R3HDM2: variants seen among roughly 807,000 people sequenced by gnomAD.
R3HDM2 encodes R3H domain-containing protein 2.
A neutral mutation model predicts 124.5 loss-of-function variants in R3HDM2; 38 were observed. The ratio of observed to expected loss-of-function variants is 0.31; its 90% CI spans 0.24 to 0.40. The LOEUF (loss-of-function observed/expected upper bound fraction) is 0.40. Among genes scored for constraint, R3HDM2 ranks in the 10% least tolerant of loss-of-function variants. The probability of loss-of-function intolerance (pLI) is 1.00; values close to 1 mark genes in which losing one functional copy is unlikely to be tolerated. For missense variants in R3HDM2, 869 were observed against 1,236.9 expected, an observed-to-expected ratio of 0.70 and a Z score of 4.46; for synonymous variants, 391 against 448.0, an observed-to-expected ratio of 0.87 and a Z score of 1.61.
chr12:57,428,502 T>TGTGGTGGGGGGTGTGGTGGGGGGC (rs1566538645), intron 1 of R3HDM2, among the ~76,000 whole-genome samples: 1 of 33,750 alleles, frequency 3.0e-5, no homozygotes, highest in Non-Finnish European at 4.9e-5. Flanking sequence ...TGGTGGGGGG[T>TGTGGTGGGGGGTGTGGTGGGGGGC]GTGGTGGGGG....
Position 57,266,757 on chromosome 12 carries a change from G to A in R3HDM2, c.2105C>T (p.Pro702Leu), listed in dbSNP as rs1327242452. The A allele has an allele frequency of 1.9e-6, 3 of 1,605,070 alleles. No individual in the cohort carries two copies. Among genetic ancestry groups the A allele is most frequent in the Non-Finnish European group, 2.6e-6 (3 of 1,171,914 alleles). ...QMPQSPSPCS[P>L]PQMPQQYSGV... Reference sequence around the variant, plus strand: ...TGAGTACTGCTGTGGCATCTGTGGTGGACTGCAGGGAGAGGGAGACTGAGG... The same window carrying A: ...TGAGTACTGCTGTGGCATCTGTGGTAGACTGCAGGGAGAGGGAGACTGAGG... The change falls in exon 19 of 24, where the codon CCA becomes CTA. Residue 702 changes from proline to leucine, a missense_variant. By Grantham distance (98) the Pro-to-Leu change is moderately conservative. This residue lies in a region of R3HDM2 where 602 missense variants were observed against 789.2 expected (regional missense o/e 0.76). Transcript: ENST00000402412.
At chr12:57,428,939 G>C (rs1306023283) in intron 1 of R3HDM2, among the ~76,000 whole-genome samples, 3 of 151,922 alleles carry the variant, frequency 2.0e-5, no homozygotes, top group Non-Finnish European at 2.9e-5. Context: ...TAGAGACGGG[G>C]TTCCACCATG....
chr12:57,357,846 T>C (rs1376415927), intron 2 of R3HDM2, among the ~76,000 whole-genome samples: 1 of 152,080 alleles, frequency 6.6e-6, no homozygotes, highest in Non-Finnish European at 1.5e-5. Flanking sequence ...AATTTTTCCA[T>C]ATCATGTTCC....
chr12:57,282,306 A>AT (rs57847959), intron 13 of R3HDM2, among the ~76,000 whole-genome samples: 4 of 151,930 alleles, frequency 2.6e-5, no homozygotes, highest in African/African-American at 4.8e-5. Context: ...TCTCAAAAAA[A>AT]AAAAAAGGAA....
In R3HDM2 at chr12:57,352,278, G is replaced by T. The variant is rs1482027183; in HGVS notation, c.-35-41815C>A. Among the ~76,000 whole-genome samples the T allele has an allele frequency of 3.5e-5, 5 of 142,574 alleles. No homozygotes were observed. The Admixed American group carries it at 3.5e-4, about 10-fold the overall frequency. 93.5% of individuals were successfully genotyped at this position (142,574 alleles called of 152,430 possible). A position where few individuals can be genotyped will look rare whatever the true frequency, so the allele number is the denominator to read the frequency against. On this transcript the variant is annotated intron_variant, in intron 2 of 23. Transcript: ENST00000402412. ...AAAAAAAAAACAAATCTAGGGAAAA[G>T]AGATCTTTAATGAAAAACTTATGAA...
At chr12:57,422,307 C>T (rs1162436260) in intron 1 of R3HDM2, among the ~76,000 whole-genome samples, 3 of 152,008 alleles carry the variant, frequency 2.0e-5, no homozygotes. Context: ...TAAGACAAAA[C>T]TCGAACTTTT....
chr12:57,365,079 A>G (rs1300858068), intron 2 of R3HDM2, among the ~76,000 whole-genome samples: 9 of 151,692 alleles, frequency 5.9e-5, no homozygotes, highest in Non-Finnish European at 1.3e-4. Context: ...CCCGGCCAAC[A>G]TGGTAAAACC....
chr12:57,309,798 AT>A (rs1174170566), intron 3 of R3HDM2, among the ~76,000 whole-genome samples: 1 of 152,228 alleles, frequency 6.6e-6, no homozygotes, highest in African/African-American at 2.4e-5. Flanking sequence ...TTTAGACTTC[AT>A]TGTGGACTAT....
chr12:57,275,501 GAA>G lies in R3HDM2; in HGVS notation c.1344+4855_1344+4856del, dbSNP rs56371479. On this transcript the variant is annotated intron_variant, in intron 14 of 23. Transcript: ENST00000402412. Reference sequence around the variant, plus strand: ...AATTAAACTAAAAAACGTTTGCATGGAAAAAAAAAAAAAAAAACAGCAGAGGA... The same window carrying G: ...AATTAAACTAAAAAACGTTTGCATGGAAAAAAAAAAAAAAACAGCAGAGGA... 2.5e-3 allele frequency among the ~76,000 whole-genome samples: 320 copies of G among 127,520 alleles called. 2 individuals carry two copies. The highest frequency in any genetic ancestry group is 4.4e-3 in the Middle Eastern group (1 of 226). 83.7% of individuals were successfully genotyped at this position (127,520 alleles called of 152,430 possible).
rs997694882 is a variant in R3HDM2, at chr12:57,341,419, C to T, written c.-35-30956G>A. ...ATGGATTTTTCTTCTTCCTTCTCTC[C>T]GTCCCCTCCCTCTCAGAAGAAAAAG... On this transcript the variant is annotated intron_variant, in intron 2 of 23. Transcript: ENST00000402412. 21 of 984,386 alleles carry T rather than the reference C, an allele frequency of 2.1e-5. No individual in the cohort carries two copies. The African/African-American group carries it at 3.0e-4, about 14-fold the overall frequency. The allele number at this position is 984,386 out of a possible 1,614,324, so 61.0% of individuals were successfully genotyped here. A position where few individuals can be genotyped will look rare whatever the true frequency, so the allele number is the denominator to read the frequency against.
At chr12:57,345,898 G>A (rs893653193) in intron 2 of R3HDM2, among the ~76,000 whole-genome samples, 11 of 152,100 alleles carry the variant, frequency 7.2e-5, no homozygotes, top group Admixed American at 5.9e-4. Context: ...GGTGGCTCAC[G>A]CCTGTAATCC....
In R3HDM2 at chr12:57,421,378, G is replaced by C. The variant is rs1379287835; in HGVS notation, c.-106+9342C>G. ...TTGGTCAAGCTGGTCTCCAACTCCC[G>C]ACCTCAGGTGATCCGCCCACCTCAG... On this transcript the variant is annotated intron_variant, in intron 1 of 23. Transcript: ENST00000402412. 2.7e-5 allele frequency among the ~76,000 whole-genome samples: 4 copies of C among 149,726 alleles called. No homozygotes were observed. The East Asian group carries it at 7.9e-4, about 29-fold the overall frequency.
chr12:57,270,075 G>T, intron 14 of R3HDM2, 81 bp from the exon 15 acceptor site: 1 of 1,523,352 alleles, frequency 6.6e-7, no homozygotes, highest in Non-Finnish European at 9.0e-7. Flanking sequence ...GAGAGAAATA[G>T]CAATGCTTTT....
intron 19 of R3HDM2, among the ~76,000 whole-genome samples, 167 bp from the exon 20 acceptor site, chr12:57,259,226 A>G (rs983700181): frequency 1.4e-4 from 21 of 152,200 alleles, no homozygotes; most frequent in Non-Finnish European, 2.5e-4. Context: ...TTCTGACTCC[A>G]TCTTCTCAAA....
chr12:57,316,434 T>A (rs567266354), intron 2 of R3HDM2, among the ~76,000 whole-genome samples: 1 of 151,950 alleles, frequency 6.6e-6, no homozygotes, highest in East Asian at 1.9e-4. Context: ...AAAGGTTTCC[T>A]ATTTTATTTA....
chr12:57,338,537 G>A (rs1593520022), intron 2 of R3HDM2, among the ~76,000 whole-genome samples: 1 of 152,000 alleles, frequency 6.6e-6, no homozygotes, highest in South Asian at 2.1e-4. Context: ...CTACAGGCGT[G>A]AGCCACCACG....
chr12:57,391,648 T>C (rs926900750), intron 2 of R3HDM2, among the ~76,000 whole-genome samples: 1 of 152,212 alleles, frequency 6.6e-6, no homozygotes, highest in African/African-American at 2.4e-5. Flanking sequence ...TTCCTAACTT[T>C]AATATTGTAC....
chr12:57,308,146 C>T, intron 3 of R3HDM2, among the ~76,000 whole-genome samples: 1 of 150,952 alleles, frequency 6.6e-6, no homozygotes. Context: ...CCTCTGCCTC[C>T]TGGGTTCAAG....
intron 13 of R3HDM2, among the ~76,000 whole-genome samples, chr12:57,283,298 C>T (rs75909302): frequency 6.8e-6 from 1 of 147,628 alleles, no homozygotes; most frequent in Admixed American, 6.8e-5. Flanking sequence ...ACAATCAATT[C>T]TTTTTTTTTT....
Sources: gnomAD v4.1 joint callset for allele counts (sites outside exome capture counted in the v4.1 genomes callset) on GRCh38, gnomAD v4.1.1 for gene constraint, gnomAD v4.1.1 regional missense constraint, MANE v1.5 for transcripts, NCBI Gene and HGNC (gene_info 2026-07-23, HGNC 2026-07-21) for gene names.